Variants in ARHGAP32 observed in about 807,000 individuals in gnomAD.
ARHGAP32 encodes the protein Rho GTPase activating protein 32.
Under a neutral mutation model 186.5 loss-of-function variants are expected in ARHGAP32, and 51 were observed. The observed-to-expected ratio is 0.27, with a 90% CI of 0.22 to 0.35. The LOEUF is 0.35. Ranked by LOEUF, ARHGAP32 falls within the 10% of genes least tolerant of loss-of-function variation. The pLI is 1.00. For missense variants in ARHGAP32, 2,186 were observed against 2,623.5 expected, an observed-to-expected ratio of 0.83 and a Z score of 3.64; for synonymous variants, 950 against 964.3, an observed-to-expected ratio of 0.99 and a Z score of 0.27.
At chr11:129,024,436 A>G (rs955861737) in intron 11 of ARHGAP32, among the ~76,000 whole-genome samples, 3 of 152,236 alleles carry the variant, frequency 2.0e-5, no homozygotes, top group Admixed American at 2.0e-4. Flanking sequence ...TTAAAATAAG[A>G]AAAGTAATTG....
intron 1 of ARHGAP32, among the ~76,000 whole-genome samples, chr11:129,267,951 A>G (rs1945425627): frequency 6.6e-6 from 1 of 151,874 alleles, no homozygotes; most frequent in South Asian, 2.1e-4. Context: ...CAGCTCGCTC[A>G]CTCACCCCCC....
chr11:129,118,931 G>A (rs948575675), intron 5 of ARHGAP32, among the ~76,000 whole-genome samples: 5 of 151,900 alleles, frequency 3.3e-5, no homozygotes, highest in African/African-American at 1.2e-4. Context: ...TGTGTCTCAG[G>A]AATATAAAGA....
At chr11:129,046,056 A>G (rs908835277) in intron 10 of ARHGAP32, among the ~76,000 whole-genome samples, 3 of 152,168 alleles carry the variant, frequency 2.0e-5, no homozygotes, top group African/African-American at 4.8e-5. Context: ...ATGTTTAACA[A>G]CTAGCTCTCC....
In ARHGAP32 at chr11:129,005,160, G is replaced by C. The variant is rs141645506; in HGVS notation, c.1046-6692C>G. Among the ~76,000 whole-genome samples, 220 of 152,144 alleles carry C rather than the reference G, an allele frequency of 1.4e-3. 1 individual carries two copies. Among genetic ancestry groups the C allele is most frequent in the Admixed American group, 0.011 (170 of 15,286 alleles). On this transcript the variant is annotated intron_variant, in intron 11 of 22. Coordinates refer to ENST00000682385, the MANE Select transcript of ARHGAP32 (RefSeq NM_001378024.1). ...CAAAAAGAAAACTAACAGACTGTAT[G>C]CTTTAACTTCATCCTCTGTTTTTAA...
intron 1 of ARHGAP32, among the ~76,000 whole-genome samples, chr11:129,223,750 T>C (rs1944743999): frequency 6.6e-6 from 1 of 152,186 alleles, no homozygotes; most frequent in Non-Finnish European, 1.5e-5. Flanking sequence ...TCAATACTCC[T>C]GTCAGAGAGA....
At chr11:129,079,873 G>C (rs1322916413) in intron 6 of ARHGAP32, among the ~76,000 whole-genome samples, 1 of 152,022 alleles carries the variant, frequency 6.6e-6, no homozygotes, top group East Asian at 1.9e-4. Flanking sequence ...CTAAGTACAA[G>C]GACTCACATA....
At chr11:129,085,564 C>T (rs1941362838) in intron 6 of ARHGAP32, among the ~76,000 whole-genome samples, 1 of 152,150 alleles carries the variant, frequency 6.6e-6, no homozygotes, top group South Asian at 2.1e-4. Context: ...AATACAATTC[C>T]AGTCAAAATC....
intron 1 of ARHGAP32, among the ~76,000 whole-genome samples, chr11:129,274,219 T>C (rs1311266122): frequency 6.6e-6 from 1 of 152,214 alleles, no homozygotes; most frequent in African/African-American, 2.4e-5. Context: ...TATAAAATCC[T>C]TACACTTTAC....
At chr11:129,010,757 A>G (rs1379379189) in intron 11 of ARHGAP32, among the ~76,000 whole-genome samples, 1 of 152,220 alleles carries the variant, frequency 6.6e-6, no homozygotes, top group Non-Finnish European at 1.5e-5. Context: ...CAAAGTAAAT[A>G]TGGCCATTCT....
intron 9 of ARHGAP32, 129 bp downstream of exon 9, chr11:129,063,773 A>G (rs1940593200): frequency 9.2e-7 from 1 of 1,091,224 alleles, no homozygotes; most frequent in Admixed American, 2.7e-5. Context: ...AGGCTGAAAT[A>G]TAAAAGACTA....
intron 5 of ARHGAP32, among the ~76,000 whole-genome samples, chr11:129,105,684 G>C (rs1307326781): frequency 1.3e-5 from 2 of 152,004 alleles, no homozygotes; most frequent in Non-Finnish European, 2.9e-5. Flanking sequence ...CGAAAACCCA[G>C]TTTCCAGAGT....
chr11:129,039,342 T>C (rs954254301), intron 11 of ARHGAP32, among the ~76,000 whole-genome samples: 1 of 152,108 alleles, frequency 6.6e-6, no homozygotes, highest in Non-Finnish European at 1.5e-5. Context: ...ACAAATAAAA[T>C]GTGGCATATG....
Position 128,980,606 on chromosome 11 carries a change from T to C in ARHGAP32, c.1923A>G (p.Gly641=), listed in dbSNP as rs1465873440. 3 of 1,613,830 alleles carry C rather than the reference T, an allele frequency of 1.9e-6. No individual in the cohort carries two copies. Among genetic ancestry groups the C allele is most frequent in the Non-Finnish European group, 2.5e-6 (3 of 1,179,904 alleles). Residue 641 remains glycine, a synonymous_variant, in exon 18 of 23, where the codon GGA becomes GGG. Transcript: ENST00000682385. The part of the protein sequence containing the change: ...TENKYIEVGE[G]PAALQGKFHT... ...GAAATTTCCCCTGAAGTGCAGCAGG[T>C]CCTTCTCCTACTTCGATATATTTAT...
At chr11:128,977,860 A>ATTG in intron 19 of ARHGAP32, among the ~76,000 whole-genome samples, 1 of 86,710 alleles carries the variant, frequency 1.2e-5, no homozygotes. Context: ...ATTTATTATT[A>ATTG]TTATTATTAT....
chr11:129,011,471 G>A (rs1938076161), intron 11 of ARHGAP32, among the ~76,000 whole-genome samples: 1 of 152,158 alleles, frequency 6.6e-6, no homozygotes, highest in African/African-American at 2.4e-5. Context: ...TAAACAGAGA[G>A]TTAAGGAACA....
intron 5 of ARHGAP32, among the ~76,000 whole-genome samples, chr11:129,102,534 T>C (rs1055340182): frequency 1.3e-5 from 2 of 151,816 alleles, no homozygotes; most frequent in Non-Finnish European, 2.9e-5. Flanking sequence ...CAAAAACAAT[T>C]TAAAAATGGG....
chr11:129,216,935 T>C (rs576909174), intron 1 of ARHGAP32, among the ~76,000 whole-genome samples: 1 of 152,120 alleles, frequency 6.6e-6, no homozygotes, highest in Middle Eastern at 3.4e-3. Flanking sequence ...CAATATATAA[T>C]CAGTTTTTGT....
chr11:129,043,472 C>T (rs184148909), intron 10 of ARHGAP32, among the ~76,000 whole-genome samples: 21 of 150,716 alleles, frequency 1.4e-4, no homozygotes, highest in Admixed American at 9.3e-4. Context: ...CTGTAACCTC[C>T]GCCTCCCAGG....
intron 1 of ARHGAP32, among the ~76,000 whole-genome samples, chr11:129,206,153 C>T (rs1378561742): frequency 6.6e-6 from 1 of 152,096 alleles, no homozygotes; most frequent in Non-Finnish European, 1.5e-5. Flanking sequence ...CCACTAATCA[C>T]TCAATTACCA....
Sources: gnomAD v4.1 joint callset for allele counts (sites outside exome capture counted in the v4.1 genomes callset) on GRCh38, gnomAD v4.1.1 for gene constraint, MANE v1.5 for transcripts, NCBI Gene and HGNC (gene_info 2026-07-23, HGNC 2026-07-21) for gene names.